HTR3B: variants seen among roughly 807,000 people sequenced by gnomAD.
HTR3B encodes 5-hydroxytryptamine (serotonin) receptor 3B, ionotropic.
HTR3B carries 44 observed loss-of-function variants against 42.8 expected under a neutral mutation model. That is an observed-to-expected ratio of 1.03 (90% CI 0.81 to 1.32). The LOEUF (loss-of-function observed/expected upper bound fraction) is 1.32, where lower values mean the gene tolerates loss of function less well. Ranked by LOEUF, HTR3B falls within the 40% of genes most tolerant of loss-of-function variation. HTR3B has a pLI of 0.00. For missense variants in HTR3B, 527 were observed against 536.5 expected (o/e 0.98, Z 0.17); for synonymous variants, 203 against 209.0 (o/e 0.97, Z 0.25).
chr11:113,914,291 C>T (rs1159399658), intron 2 of HTR3B, among the ~76,000 whole-genome samples: 1 of 151,486 alleles, frequency 6.6e-6, no homozygotes, highest in Admixed American at 6.6e-5. Flanking sequence ...GTGGAGAAAC[C>T]CCGTCTCTAC....
At chr11:113,942,740 T>C (rs917736674) in intron 6 of HTR3B, among the ~76,000 whole-genome samples, 4 of 152,216 alleles carry the variant, frequency 2.6e-5, no homozygotes, top group Non-Finnish European at 4.4e-5. Flanking sequence ...AAATGCTAGC[T>C]GCTGCTTCTT....
At chr11:113,936,595 T>C (rs1326578003) in intron 6 of HTR3B, among the ~76,000 whole-genome samples, 1 of 152,084 alleles carries the variant, frequency 6.6e-6, no homozygotes, top group Non-Finnish European at 1.5e-5. Context: ...CTGGATATCC[T>C]TTCTGGGTCA....
At chr11:113,916,182 T>C (rs770320064) in intron 2 of HTR3B, among the ~76,000 whole-genome samples, 11 of 152,244 alleles carry the variant, frequency 7.2e-5, no homozygotes, top group Non-Finnish European at 1.6e-4. Flanking sequence ...CTGTAGTATC[T>C]CAATGTAGTT....
chr11:113,909,407 G>C lies in HTR3B; in HGVS notation c.165G>C (p.Lys55Asn). The change falls in exon 2 of 9, where the codon AAG becomes AAC. Residue 55 changes from lysine to asparagine, a missense_variant. Physicochemically the swap from Lys to Asn is moderately conservative, Grantham distance 94 (BLOSUM62 0). Coordinates refer to ENST00000260191, the MANE Select transcript of HTR3B (RefSeq NM_006028.5). ...KEVRPVYNWT[K>N]ATTVYLDLFV... ...TGAGACCTGTTTACAACTGGACCAA[G>C]GCCACCACAGTCTACCTGGACCTGT... 1 of 1,614,104 alleles carries C rather than the reference G, an allele frequency of 6.2e-7. No individual in the cohort carries two copies. The highest frequency in any genetic ancestry group is 8.5e-7 in the Non-Finnish European group (1 of 1,179,972).
chr11:113,942,224 C>T (rs372327603), intron 6 of HTR3B, among the ~76,000 whole-genome samples: 55 of 152,184 alleles, frequency 3.6e-4, no homozygotes, highest in African/African-American at 1.2e-3. Flanking sequence ...TGCAGTGAGC[C>T]GAGGTCGCAC....
chr11:113,913,341 G>A (rs1949815358), intron 2 of HTR3B, among the ~76,000 whole-genome samples: 1 of 118,832 alleles, frequency 8.4e-6, no homozygotes, highest in Admixed American at 9.6e-5. Flanking sequence ...CTGCCACCAT[G>A]TCTGGCTAAT....
Position 113,946,309 on chromosome 11 carries a change from A to T in HTR3B, c.*172A>T. On this transcript the variant is annotated 3_prime_UTR_variant, in exon 9 of 9. Coordinates refer to ENST00000260191, the MANE Select transcript of HTR3B (RefSeq NM_006028.5). ...TGAGCCCAGGAGTTCGAGACCAGCC[A>T]GAGCAACATAGTGAGACCACATCTC... 7 of 590,422 alleles carry T rather than the reference A, an allele frequency of 1.2e-5. No homozygotes were observed. Among genetic ancestry groups the T allele is most frequent in the South Asian group, 4.0e-5 (2 of 50,434 alleles). The allele number at this position is 590,422 out of a possible 1,614,324, so 36.6% of individuals were successfully genotyped here. A position where few individuals can be genotyped will look rare whatever the true frequency, so the allele number is the denominator to read the frequency against.
Position 113,947,916 on chromosome 11 carries a change from G to T in HTR3B, c.*1779G>T, listed in dbSNP as rs1228731894. 6.6e-6 allele frequency among the ~76,000 whole-genome samples: 1 copy of T among 152,108 alleles called. No homozygotes were observed. Among genetic ancestry groups the T allele is most frequent in the East Asian group, 1.9e-4 (1 of 5,182 alleles). ...AACGCTGTCAGTAGAAGACACAAAAGTCCAAAAGCTGTTTGCTAGAAACTT... is the reference window on the plus strand; with the variant it reads ...AACGCTGTCAGTAGAAGACACAAAATTCCAAAAGCTGTTTGCTAGAAACTT... On this transcript the variant is annotated 3_prime_UTR_variant, in exon 9 of 9. Coordinates refer to ENST00000260191, the MANE Select transcript of HTR3B (RefSeq NM_006028.5).
At chr11:113,910,491 A>G (rs1591570222) in intron 2 of HTR3B, among the ~76,000 whole-genome samples, 1 of 145,754 alleles carries the variant, frequency 6.9e-6, no homozygotes, top group South Asian at 2.2e-4. Context: ...CCCAGGCTGG[A>G]GTCCAATGGC....
intron 8 of HTR3B, among the ~76,000 whole-genome samples, chr11:113,945,014 A>G (rs1051389329): frequency 2.0e-5 from 3 of 152,142 alleles, no homozygotes; most frequent in Non-Finnish European, 4.4e-5. Context: ...CATGTTGCGC[A>G]GGCTGGTCTC....
rs532296104 is a variant in HTR3B, at chr11:113,948,520, T to C, written c.*2383T>C. 6.6e-6 allele frequency among the ~76,000 whole-genome samples: 1 copy of C among 152,338 alleles called. No individual in the cohort carries two copies. Among genetic ancestry groups the C allele is most frequent in the African/African-American group, 2.4e-5 (1 of 41,578 alleles). ...GGGCTGTTTATATTTGCTCTACCCC[T>C]ATCAAAGAGTTATGAGGATCAAAAT... On this transcript the variant is annotated 3_prime_UTR_variant, in exon 9 of 9. Transcript: ENST00000260191.
chr11:113,902,226 CT>C (rs1442105630), upstream of HTR3B, among the ~76,000 whole-genome samples: 1 of 152,204 alleles, frequency 6.6e-6, no homozygotes, highest in Admixed American at 6.5e-5. Context: ...AAGAATTCCC[CT>C]AGACCCCCAC....
At chr11:113,930,701 G>C (rs554602519) in intron 2 of HTR3B, among the ~76,000 whole-genome samples, 7 of 152,112 alleles carry the variant, frequency 4.6e-5, no homozygotes, top group Non-Finnish European at 1.0e-4. Flanking sequence ...TGTTGCCCAG[G>C]CTGGTCTCAA....
intron 4 of HTR3B, 117 bp downstream of exon 4, chr11:113,931,984 T>C: frequency 1.4e-6 from 1 of 725,332 alleles, no homozygotes. Context: ...AAGGGGAGCA[T>C]ATTGTTGGGA....
chr11:113,938,059 C>A (rs1000767681), intron 6 of HTR3B, among the ~76,000 whole-genome samples: 1 of 152,120 alleles, frequency 6.6e-6, no homozygotes, highest in Admixed American at 6.6e-5. Flanking sequence ...CTTCACATGG[C>A]CTTCTCCTTG....
intron 3 of HTR3B, 59 bp from the exon 4 acceptor site, chr11:113,931,699 T>C: frequency 1.0e-6 from 1 of 991,400 alleles, no homozygotes; most frequent in Non-Finnish European, 1.6e-6. Flanking sequence ...TCTTTAGTTC[T>C]TTAGCGAAGT....
At chr11:113,904,444 C>A (rs1489301205), upstream of HTR3B, among the ~76,000 whole-genome samples, 1 of 152,176 alleles carries the variant, frequency 6.6e-6, no homozygotes, top group Non-Finnish European at 1.5e-5. Flanking sequence ...AATTCAAGAG[C>A]CCAAGAACCA....
At chr11:113,911,223 A>C (rs1376826384) in intron 2 of HTR3B, among the ~76,000 whole-genome samples, 1 of 151,766 alleles carries the variant, frequency 6.6e-6, no homozygotes, top group Non-Finnish European at 1.5e-5. Flanking sequence ...ATATACCCAT[A>C]TAACATTTAT....
chr11:113,938,751 C>T (rs548708686), intron 6 of HTR3B, among the ~76,000 whole-genome samples: 21 of 152,202 alleles, frequency 1.4e-4, no homozygotes, highest in Non-Finnish European at 2.6e-4. Context: ...GGCACTGTGG[C>T]TAACGACTTT....
Sources: allele counts gnomAD v4.1 joint callset (sites outside exome capture counted in the v4.1 genomes callset), GRCh38; gene constraint gnomAD v4.1.1; transcripts MANE v1.5; gene names NCBI Gene and HGNC (gene_info 2026-07-23, HGNC 2026-07-21).